The following DNAH12 variants were observed in gnomAD, a reference collection of about 807,000 sequenced individuals.
DNAH12 encodes dynein axonemal heavy chain 12, also known as axonemal beta dynein heavy chain 12.
Under a neutral mutation model 371.5 loss-of-function variants are expected in DNAH12, and 285 were observed. That is an observed-to-expected ratio of 0.77 (90% CI 0.70 to 0.85). DNAH12 has a LOEUF of 0.85. Ranked by LOEUF, DNAH12 falls within the 40% of genes least tolerant of loss-of-function variation. The pLI is 0.00. For synonymous variants in DNAH12, 1,200 were observed against 1,213.0 expected (o/e 0.99, Z 0.22); for missense variants, 3,611 against 3,689.4 (o/e 0.98, Z 0.55).
At chr3:57,306,905 A>G (rs577361444) in intron 69 of DNAH12, among the ~76,000 whole-genome samples, 1 of 152,194 alleles carries the variant, frequency 6.6e-6, no homozygotes, top group South Asian at 2.1e-4. Flanking sequence ...ACCTCCCTAC[A>G]CAACCCATTA....
intron 18 of DNAH12, 63 bp from the exon 19 acceptor site, chr3:57,461,752 C>A: frequency 7.5e-7 from 1 of 1,329,940 alleles, no homozygotes; most frequent in South Asian, 1.3e-5. Flanking sequence ...ACTATATTGA[C>A]TTTCCCTAGT....
chr3:57,386,297 T>C (rs1169283227), intron 47 of DNAH12, 144 bp downstream of exon 47: 8 of 152,212 alleles, frequency 5.3e-5, no homozygotes, highest in Non-Finnish European at 1.2e-4. Context: ...ATAGAGTTGT[T>C]ATGAAGAATA....
intron 25 of DNAH12, among the ~76,000 whole-genome samples, chr3:57,448,133 G>A (rs1224801276): frequency 6.6e-6 from 1 of 152,192 alleles, no homozygotes; most frequent in African/African-American, 2.4e-5. Context: ...GAATTGGTGG[G>A]TGCTTGGTCT....
intron 59 of DNAH12, among the ~76,000 whole-genome samples, chr3:57,356,954 G>A (rs2062815314): frequency 6.6e-6 from 1 of 151,910 alleles, no homozygotes; most frequent in East Asian, 1.9e-4. Flanking sequence ...TGTTGGCCAG[G>A]CTGGTCTCGA....
chr3:57,308,041 GC>G (rs2061508736), intron 69 of DNAH12, among the ~76,000 whole-genome samples: 1 of 151,950 alleles, frequency 6.6e-6, no homozygotes, highest in African/African-American at 2.4e-5. Flanking sequence ...GATTATTCAG[GC>G]CCCCTCCCTT....
intron 69 of DNAH12, among the ~76,000 whole-genome samples, chr3:57,305,172 C>T (rs137969052): frequency 0.024 from 3,636 of 152,248 alleles, 68 homozygotes; most frequent in South Asian, 0.036. Context: ...AGGTGCCTGA[C>T]GTCCAGGCAT....
At chr3:57,468,516 G>C in intron 17 of DNAH12, 1 of 244,622 alleles carries the variant, frequency 4.1e-6, no homozygotes, top group Non-Finnish European at 7.5e-6. Context: ...TCAGGAGGCT[G>C]AGGTGGGAGG....
At chr3:57,461,354 C>T in intron 19 of DNAH12, 135 bp downstream of exon 19, 5 of 643,944 alleles carry the variant, frequency 7.8e-6, no homozygotes, top group Admixed American at 3.3e-5. Context: ...AATAAAATAT[C>T]AAAGTTATAG....
At chr3:57,510,739 C>CG (rs766880649) in intron 5 of DNAH12, 51 bp downstream of exon 5, 13 of 1,549,640 alleles carry the variant, frequency 8.4e-6, no homozygotes, top group Non-Finnish European at 1.1e-5. Context: ...TCAGTGGGGA[C>CG]GGGGGGAGGC....
At chr3:57,309,955 T>G (rs1393001662) in intron 67 of DNAH12, 101 bp from the exon 68 acceptor site, 1 of 1,007,446 alleles carries the variant, frequency 9.9e-7, no homozygotes, top group Non-Finnish European at 1.4e-6. Flanking sequence ...GCATAGGGGT[T>G]ATGTGAGTTG....
the DNAH12 span, among the ~76,000 whole-genome samples, chr3:57,551,212 T>A: frequency 2.0e-5 from 3 of 152,010 alleles, no homozygotes; most frequent in African/African-American, 7.2e-5. Context: ...TGACTTAACT[T>A]TTCCTCACTA....
chr3:57,360,360 C>A (rs1254058312), intron 58 of DNAH12, among the ~76,000 whole-genome samples: 1 of 152,056 alleles, frequency 6.6e-6, no homozygotes, highest in African/African-American at 2.4e-5. Context: ...CAAAATAAAT[C>A]TATCCAAAAG....
chr3:57,297,647 C>T (rs6445868), intron 70 of DNAH12, among the ~76,000 whole-genome samples: 15 of 152,046 alleles, frequency 9.9e-5, no homozygotes, highest in Admixed American at 6.5e-4. Flanking sequence ...TGAGCCACCG[C>T]GCCCGGCCCC....
At chr3:57,455,880 TA>T (rs1057024370) in intron 22 of DNAH12, among the ~76,000 whole-genome samples, 11 of 152,186 alleles carry the variant, frequency 7.2e-5, no homozygotes, top group African/African-American at 2.7e-4. Context: ...TTAATCTTTT[TA>T]AAAATAGCTT....
At chr3:57,541,550 C>T (rs1031921546) in intron 2 of DNAH12, among the ~76,000 whole-genome samples, 4 of 151,076 alleles carry the variant, frequency 2.6e-5, no homozygotes, top group East Asian at 1.9e-4. Flanking sequence ...TTTTTTATAG[C>T]GATGAGGGTC....
chr3:57,396,193 G>A (rs1168435249), intron 43 of DNAH12, among the ~76,000 whole-genome samples: 9 of 145,546 alleles, frequency 6.2e-5, no homozygotes, highest in Non-Finnish European at 1.0e-4. Context: ...CAGGAGAATC[G>A]CTTGAACCTG....
chr3:57,471,375 T>A (rs1306767249), intron 15 of DNAH12, 97 bp downstream of exon 15: 1 of 1,183,828 alleles, frequency 8.4e-7, no homozygotes, highest in Non-Finnish European at 1.1e-6. Flanking sequence ...CATAAAAAAA[T>A]AGTAAACATA....
intron 52 of DNAH12, among the ~76,000 whole-genome samples, chr3:57,378,191 G>A (rs1344057257): frequency 6.6e-6 from 1 of 152,086 alleles, no homozygotes; most frequent in African/African-American, 2.4e-5. Context: ...AAAAATGGCA[G>A]TGTGGAGTTA....
chr3:57,441,971 T>C (rs573874713), intron 29 of DNAH12, among the ~76,000 whole-genome samples: 2 of 151,640 alleles, frequency 1.3e-5, no homozygotes, highest in African/African-American at 4.8e-5. Context: ...ATAAGAAAAA[T>C]GCCTGACTTC....
Sources: allele counts gnomAD v4.1 joint callset (sites outside exome capture counted in the v4.1 genomes callset), GRCh38; gene constraint gnomAD v4.1.1; transcripts MANE v1.5; gene names NCBI Gene and HGNC (gene_info 2026-07-23, HGNC 2026-07-21).